LARP4: variants seen among roughly 807,000 people sequenced by gnomAD.
LARP4 encodes the protein la-related protein 4.
In LARP4, 29 loss-of-function variants were observed where a neutral mutation model predicts 92.9. That is an observed-to-expected ratio of 0.31 (90% CI 0.23 to 0.43). The LOEUF is 0.43. Ranked by LOEUF, LARP4 falls within the 20% of genes least tolerant of loss-of-function variation. The pLI is 1.00. For synonymous variants in LARP4, 279 were observed against 284.1 expected, an observed-to-expected ratio of 0.98 and a Z score of 0.18; for missense variants, 732 against 860.0, an observed-to-expected ratio of 0.85 and a Z score of 1.86.
intron 8 of LARP4, 107 bp downstream of exon 8, chr12:50,441,750 A>G: frequency 1.0e-6 from 1 of 976,012 alleles, no homozygotes; most frequent in South Asian, 1.6e-5. Flanking sequence ...AGTGACTTTC[A>G]AAAAGTTTCT....
chr12:50,438,225 G>A (rs540002714), intron 6 of LARP4, among the ~76,000 whole-genome samples: 229 of 151,656 alleles, frequency 1.5e-3, no homozygotes, highest in African/African-American at 5.2e-3. Context: ...GGCTGGGCGC[G>A]GGGTGGCTCA....
Position 50,440,358 on chromosome 12 carries a change from C to T in LARP4, c.640-81C>T, listed in dbSNP as rs1251124751. 3.1e-6 allele frequency: 3 copies of T among 958,008 alleles called. No homozygotes were observed. The African/African-American group carries it at 4.9e-5, about 16-fold the overall frequency. 59.3% of individuals were successfully genotyped at this position (958,008 alleles called of 1,614,324 possible). A position where few individuals can be genotyped will look rare whatever the true frequency, so the allele number is the denominator to read the frequency against. ...ACCAAAGACATGAAGATAGGCTTAACATTACTAGTAAACAAACCAACAAAA... is the reference window on the plus strand; with the variant it reads ...ACCAAAGACATGAAGATAGGCTTAATATTACTAGTAAACAAACCAACAAAA... On this transcript the variant is annotated intron_variant, in intron 6 of 15. Coordinates refer to ENST00000398473, the MANE Select transcript of LARP4 (RefSeq NM_052879.5).
chr12:50,449,699 C>T (rs1952805178), intron 8 of LARP4, among the ~76,000 whole-genome samples: 2 of 152,056 alleles, frequency 1.3e-5, no homozygotes, highest in African/African-American at 4.8e-5. Flanking sequence ...TTATTAGAAA[C>T]TCTTACTCAT....
At chr12:50,429,558 T>C (rs61926226) in intron 3 of LARP4, among the ~76,000 whole-genome samples, 1 of 152,156 alleles carries the variant, frequency 6.6e-6, no homozygotes, top group Non-Finnish European at 1.5e-5. Flanking sequence ...AAAAAAATTT[T>C]GTGTGTCTAT....
chr12:50,457,270 G>A (rs1055870533), intron 10 of LARP4, among the ~76,000 whole-genome samples: 11 of 150,554 alleles, frequency 7.3e-5, no homozygotes, highest in Non-Finnish European at 1.3e-4. Flanking sequence ...GCAATGGCGG[G>A]ATCTCGGCTC....
At chr12:50,464,076 G>A (rs1955824078) in intron 12 of LARP4, among the ~76,000 whole-genome samples, 1 of 152,100 alleles carries the variant, frequency 6.6e-6, no homozygotes, top group African/African-American at 2.4e-5. Flanking sequence ...TTCCAGTGTT[G>A]CTTCCACATT....
intron 4 of LARP4, among the ~76,000 whole-genome samples, chr12:50,434,860 C>T (rs934638352): frequency 1.3e-5 from 2 of 151,850 alleles, no homozygotes; most frequent in East Asian, 3.9e-4. Flanking sequence ...CTGGCTAACA[C>T]GGTGAAACCC....
At chr12:50,416,746 A>G (rs1294374442) in intron 1 of LARP4, among the ~76,000 whole-genome samples, 1 of 152,110 alleles carries the variant, frequency 6.6e-6, no homozygotes, top group Non-Finnish European at 1.5e-5. Context: ...GCACTTTGGG[A>G]GGCTGAGGCA....
chr12:50,413,218 G>A (rs1030131275), intron 1 of LARP4, among the ~76,000 whole-genome samples: 201 of 58,962 alleles, frequency 3.4e-3, no homozygotes, highest in Non-Finnish European at 9.3e-3. Context: ...GTGAGACTGT[G>A]TCTCAAAAAA....
intron 8 of LARP4, among the ~76,000 whole-genome samples, chr12:50,441,915 T>C (rs1054620771): frequency 1.3e-5 from 2 of 152,152 alleles, no homozygotes; most frequent in African/African-American, 4.8e-5. Context: ...CCGGGTGTTG[T>C]GGCACACGCC....
At chr12:50,447,942 A>G (rs962673411) in intron 8 of LARP4, among the ~76,000 whole-genome samples, 6 of 152,128 alleles carry the variant, frequency 3.9e-5, no homozygotes, top group Middle Eastern at 3.4e-3. Context: ...ATCTCAGCAC[A>G]TGGCAACCTC....
chr12:50,476,069 A>G lies in LARP4; in HGVS notation c.*205A>G, dbSNP rs538998964. 8.6e-6 allele frequency: 3 copies of G among 349,820 alleles called. No homozygotes were observed. The highest frequency in any genetic ancestry group is 1.6e-5 in the Non-Finnish European group (3 of 188,758). The allele number at this position is 349,820 out of a possible 1,614,324, so 21.7% of individuals were successfully genotyped here. On this transcript the variant is annotated 3_prime_UTR_variant, in exon 16 of 16. Coordinates refer to ENST00000398473, the MANE Select transcript of LARP4 (RefSeq NM_052879.5). ...TTTTAAATGCTGGAGGATTCCAATC[A>G]ATATAAATATATATATATATATACA...
chr12:50,450,318 C>T (rs1244675877), intron 8 of LARP4, among the ~76,000 whole-genome samples: 1 of 152,118 alleles, frequency 6.6e-6, no homozygotes, highest in East Asian at 1.9e-4. Context: ...GGACTGGAGT[C>T]AACCAGTTCT....
chr12:50,451,248 A>G (rs1033038662), intron 8 of LARP4, among the ~76,000 whole-genome samples: 7 of 152,150 alleles, frequency 4.6e-5, no homozygotes, highest in Non-Finnish European at 1.0e-4. Flanking sequence ...GCTTATGGTA[A>G]CCACCATTAT....
In LARP4 at chr12:50,467,083, G is replaced by A; in HGVS notation, c.1508G>A (p.Arg503Lys). Residue 503 changes from arginine to lysine, a missense_variant, in exon 13 of 16, where the codon AGG becomes AAG. By Grantham distance (26) the Arg-to-Lys change is conservative. Transcript: ENST00000398473. The stretch of plus-strand genomic sequence containing the variant: ...CCAGGTGAACTCGTTTTGGAGAATA[G>A]GATGTCTGATGTTGTTAAAGGTGTC... Reference protein sequence around the residue: ...RMPGELVLENRMSDVVKGVYK... With the variant: ...RMPGELVLENKMSDVVKGVYK... 2.5e-6 allele frequency: 4 copies of A among 1,613,146 alleles called. No homozygotes were observed. Among genetic ancestry groups the A allele is most frequent in the East Asian group, 2.2e-5 (1 of 44,842 alleles).
At chr12:50,452,254 C>T (rs1953345080) in intron 8 of LARP4, among the ~76,000 whole-genome samples, 1 of 152,104 alleles carries the variant, frequency 6.6e-6, no homozygotes, top group African/African-American at 2.4e-5. Flanking sequence ...CTTGCTCTTG[C>T]CCAGGCTGGA....
chr12:50,444,196 A>G lies in LARP4; in HGVS notation c.804+2553A>G, dbSNP rs571849932. 1.2e-3 allele frequency among the ~76,000 whole-genome samples: 176 copies of G among 151,626 alleles called. 1 individual carries two copies. The highest frequency in any genetic ancestry group is 4.1e-3 in the African/African-American group (169 of 41,326). On this transcript the variant is annotated intron_variant, in intron 8 of 15. Coordinates refer to ENST00000398473, the MANE Select transcript of LARP4 (RefSeq NM_052879.5). The stretch of plus-strand genomic sequence containing the variant: ...CTATTATGTATTTCATTGTTAATTC[A>G]ATTCATTTTTACTACTTTAAAATAA...
intron 1 of LARP4, among the ~76,000 whole-genome samples, chr12:50,426,981 G>T (rs1162584393): frequency 6.6e-6 from 1 of 151,854 alleles, no homozygotes; most frequent in Non-Finnish European, 1.5e-5. Context: ...CAAGTGATCC[G>T]CCCGCCTTGG....
At chr12:50,445,451 A>G (rs1281246870) in intron 8 of LARP4, among the ~76,000 whole-genome samples, 2 of 151,996 alleles carry the variant, frequency 1.3e-5, no homozygotes, top group Non-Finnish European at 2.9e-5. Flanking sequence ...GGGAAATACT[A>G]AACTTCTTGG....
Sources: allele counts gnomAD v4.1 joint callset (sites outside exome capture counted in the v4.1 genomes callset), GRCh38; gene constraint gnomAD v4.1.1; transcripts MANE v1.5; gene names NCBI Gene and HGNC (gene_info 2026-07-23, HGNC 2026-07-21).